GPHN: variants seen among roughly 807,000 people sequenced by gnomAD.
GPHN encodes the protein gephyrin.
Under a neutral mutation model 95.5 loss-of-function variants are expected in GPHN, and 17 were observed. The ratio of observed to expected loss-of-function variants is 0.18; its 90% CI spans 0.12 to 0.27. The LOEUF (loss-of-function observed/expected upper bound fraction) is 0.27, where lower values mean the gene tolerates loss of function less well. GPHN is among the 10% of genes least tolerant of loss of function. The pLI, the probability that GPHN is intolerant of heterozygous loss-of-function variation, is 1.00. For synonymous variants in GPHN, 320 were observed against 322.5 expected, an observed-to-expected ratio of 0.99 and a Z score of 0.08; for missense variants, 660 against 978.1, an observed-to-expected ratio of 0.67 and a Z score of 4.34.
At chr14:66,661,771 C>T (rs544618361) in intron 1 of GPHN, among the ~76,000 whole-genome samples, 92 of 76,510 alleles carry the variant, frequency 1.2e-3, no homozygotes, top group Admixed American at 1.5e-3. Flanking sequence ...GGACTGAGTT[C>T]GAGGGGGAGG....
intron 17 of GPHN, among the ~76,000 whole-genome samples, chr14:67,124,452 G>A (rs909481516): frequency 1.3e-5 from 2 of 152,124 alleles, no homozygotes; most frequent in Non-Finnish European, 2.9e-5. Context: ...AGGAAGGAAA[G>A]GGGGGAAAAA....
At chr14:66,540,729 C>T (rs1330593369) in intron 1 of GPHN, among the ~76,000 whole-genome samples, 5 of 152,164 alleles carry the variant, frequency 3.3e-5, no homozygotes, top group African/African-American at 1.2e-4. Context: ...TAGTCCCACG[C>T]TTACTATAAT....
intron 2 of GPHN, among the ~76,000 whole-genome samples, chr14:66,689,103 C>CT (rs1458265720): frequency 6.6e-6 from 1 of 151,860 alleles, no homozygotes; most frequent in Non-Finnish European, 1.5e-5. Flanking sequence ...AAGTGAGCAT[C>CT]TTTTTTTTGT....
chr14:66,931,150 C>T (rs1259179353), intron 8 of GPHN, among the ~76,000 whole-genome samples: 3 of 151,858 alleles, frequency 2.0e-5, no homozygotes, highest in African/African-American at 7.3e-5. Context: ...AGTTTTTTTC[C>T]TTCAGCAGTT....
the GPHN span, among the ~76,000 whole-genome samples, chr14:67,468,778 C>G: frequency 6.6e-6 from 1 of 152,074 alleles, no homozygotes; most frequent in Non-Finnish European, 1.5e-5. Context: ...ACCTGTAATC[C>G]CAGCTACTTG....
chr14:66,546,610 A>C (rs1166814811), intron 1 of GPHN, among the ~76,000 whole-genome samples: 2 of 152,132 alleles, frequency 1.3e-5, no homozygotes, highest in Non-Finnish European at 2.9e-5. Context: ...TCTCCACCAA[A>C]AAAATACGAA....
intron 2 of GPHN, among the ~76,000 whole-genome samples, chr14:66,728,437 A>G (rs1174662538): frequency 6.6e-6 from 1 of 152,194 alleles, no homozygotes; most frequent in East Asian, 1.9e-4. Flanking sequence ...TGCACACTCA[A>G]TGCCAGCCCA....
At chr14:66,585,310 T>C (rs1159239913) in intron 1 of GPHN, among the ~76,000 whole-genome samples, 3 of 152,184 alleles carry the variant, frequency 2.0e-5, no homozygotes, top group Non-Finnish European at 4.4e-5. Flanking sequence ...TAGCGGTCTA[T>C]CAATTTTGTT....
In GPHN at chr14:66,666,726, A is replaced by G. The variant is rs1202214139; in HGVS notation, c.65-14381A>G. Among the ~76,000 whole-genome samples, 6 of 152,226 alleles carry G rather than the reference A, an allele frequency of 3.9e-5. No homozygotes were observed. In the East Asian group the frequency reaches 1.2e-3, roughly 29 times the overall value. ...AAGCATTCTCCTTGAAAACCGGCAC[A>G]AGACAAGGACGCCCTCTCTCACCGC... On this transcript the variant is annotated intron_variant, in intron 1 of 22. Transcript: ENST00000478722.
At chr14:67,632,070 G>C in the GPHN span, among the ~76,000 whole-genome samples, 8 of 151,934 alleles carry the variant, frequency 5.3e-5, no homozygotes, top group East Asian at 1.6e-3. Flanking sequence ...TTTTGTTTTA[G>C]AGATGAGGTC....
chr14:66,938,726 C>T (rs117116140), intron 8 of GPHN, among the ~76,000 whole-genome samples: 1,830 of 152,246 alleles, frequency 0.012, 19 homozygotes, highest in Non-Finnish European at 0.018. Context: ...TGGCCTATAG[C>T]TTAATAAGCA....
At chr14:67,215,797 G>C in the GPHN span, among the ~76,000 whole-genome samples, 1 of 152,044 alleles carries the variant, frequency 6.6e-6, no homozygotes, top group Non-Finnish European at 1.5e-5. Flanking sequence ...TCTTCCTTAT[G>C]TTTTATTTCA....
chr14:67,378,400 TAAC>T, the GPHN span, among the ~76,000 whole-genome samples: 705 of 150,858 alleles, frequency 4.7e-3, 5 homozygotes, highest in African/African-American at 0.016. Flanking sequence ...TATATAATTC[TAAC>T]AACAACCTGT....
the GPHN span, among the ~76,000 whole-genome samples, chr14:67,492,114 T>C: frequency 6.6e-6 from 1 of 151,806 alleles, no homozygotes; most frequent in Non-Finnish European, 1.5e-5. Context: ...CCACTCTATC[T>C]CACATGCCCC....
chr14:67,268,480 C>A, the GPHN span, among the ~76,000 whole-genome samples: 10 of 152,146 alleles, frequency 6.6e-5, no homozygotes, highest in South Asian at 1.9e-3. Context: ...GGCAGAACAC[C>A]GACATGTTAC....
rs564811076 is a variant in GPHN at position 66,805,211 on chromosome 14, C to T, written c.202-19263C>T. On this transcript the variant is annotated intron_variant, in intron 3 of 22. Transcript: ENST00000478722. ...GAGGGAGCTTATGCAGGGAAACTCC[C>T]CTTTCTAAAACCATCAGATCTCATG... Among the ~76,000 whole-genome samples, 364 of 152,240 alleles carry T rather than the reference C, an allele frequency of 2.4e-3. 4 individuals are homozygous for T. The highest frequency in any genetic ancestry group is 8.3e-3 in the African/African-American group (343 of 41,530).
chr14:67,551,419 G>C, the GPHN span, among the ~76,000 whole-genome samples: 1 of 152,152 alleles, frequency 6.6e-6, no homozygotes, highest in Non-Finnish European at 1.5e-5. Context: ...GGGGCAGCTT[G>C]TGGAATCTTC....
Position 66,832,884 on chromosome 14 carries a change from A to G in GPHN, c.294+8318A>G, listed in dbSNP as rs73273243. Among the ~76,000 whole-genome samples the G allele has an allele frequency of 7.5e-3, 1,144 of 152,312 alleles. 18 individuals carry two copies. The highest frequency in any genetic ancestry group is 0.026 in the African/African-American group (1,088 of 41,572). Reference sequence around the variant, plus strand: ...TTCAGGCTAAAATTGAATGGGATTTAGGTTTTGAAAAAGGAAGACCTTAAA... The same window carrying G: ...TTCAGGCTAAAATTGAATGGGATTTGGGTTTTGAAAAAGGAAGACCTTAAA... On this transcript the variant is annotated intron_variant, in intron 4 of 22. Coordinates refer to ENST00000478722, the MANE Select transcript of GPHN (RefSeq NM_020806.5).
chr14:67,657,168 T>C, the GPHN span: 1 of 152,230 alleles, frequency 6.6e-6, no homozygotes, highest in Non-Finnish European at 1.5e-5. Flanking sequence ...CTGACTCACT[T>C]GGCTTCTGAG....
Sources: allele counts gnomAD v4.1 joint callset (sites outside exome capture counted in the v4.1 genomes callset), GRCh38; gene constraint gnomAD v4.1.1; transcripts MANE v1.5; gene names NCBI Gene and HGNC (gene_info 2026-07-23, HGNC 2026-07-21).